The following PCDHGB7 variants were observed in gnomAD, a reference collection of about 807,000 sequenced individuals.
PCDHGB7 encodes protocadherin gamma-B7.
Under a neutral mutation model 61.4 loss-of-function variants are expected in PCDHGB7, and 37 were observed. The ratio of observed to expected loss-of-function variants is 0.60; its 90% CI spans 0.46 to 0.79. The LOEUF (loss-of-function observed/expected upper bound fraction) is 0.79. PCDHGB7 is among the 30% of genes least tolerant of loss of function. The pLI, the probability that PCDHGB7 is intolerant of heterozygous loss-of-function variation, is 0.00. For missense variants in PCDHGB7, 1,166 were observed against 1,202.5 expected (o/e 0.97, Z 0.45); for synonymous variants, 464 against 503.5 (o/e 0.92, Z 1.05).
Position 141,491,248 on chromosome 5 carries a change from G to T in PCDHGB7, c.2416-3559G>T, listed in dbSNP as rs757712577. On this transcript the variant is annotated intron_variant, in intron 1 of 3. Transcript: ENST00000398594. The surrounding 1 kb of genome is among the most constrained non-coding windows in gnomAD (Gnocchi z 6.9). ...AGTGCTGCTGGTTCTGGAGGATGAG[G>T]ACCCTGAGGAAATGCCCAAATCCAG... 3 of 1,614,170 alleles carry T rather than the reference G, an allele frequency of 1.9e-6. No individual in the cohort carries two copies. Among genetic ancestry groups the T allele is most frequent in the Non-Finnish European group, 2.5e-6 (3 of 1,180,018 alleles).
chr5:141,501,288 T>TACAC (rs1562199973), intron 2 of PCDHGB7, among the ~76,000 whole-genome samples: 2 of 81,228 alleles, frequency 2.5e-5, no homozygotes, highest in Admixed American at 1.6e-4. Flanking sequence ...GATATTCCCT[T>TACAC]ATACACACAC....
At chr5:141,428,155 G>A (rs767716956) in intron 1 of PCDHGB7, 7 of 1,581,618 alleles carry the variant, frequency 4.4e-6, no homozygotes, top group East Asian at 2.2e-5. Flanking sequence ...ACGGGAACCT[G>A]CTGGTTGCTG....
chr5:141,484,236 G>C (rs1272971014), intron 1 of PCDHGB7, among the ~76,000 whole-genome samples: 2 of 152,132 alleles, frequency 1.3e-5, no homozygotes, highest in Non-Finnish European at 2.9e-5. Context: ...AAGAGATCTG[G>C]TCCTTAGCAC....
At chr5:141,429,735 T>C (rs911956546) in intron 1 of PCDHGB7, among the ~76,000 whole-genome samples, 1 of 152,202 alleles carries the variant, frequency 6.6e-6, no homozygotes. Flanking sequence ...ACGTAGCCAG[T>C]TATTTCTTAG....
chr5:141,511,077 T>C lies in PCDHGB7; in HGVS notation c.2694T>C (p.Asn898=), dbSNP rs1279500774. ...YRQNVYIPGS[N]ATLTNAAGKR... is the part of the protein sequence containing the mutation. ...AGAATGTCTACATCCCAGGCAGCAA[T>C]GCCACACTGACCAACGCAGCTGGCA... is the stretch of plus-strand genomic sequence containing the variant. Residue 898 remains asparagine, a synonymous_variant, in exon 4 of 4, where the codon AAT becomes AAC. Transcript: ENST00000398594. 5 of 1,614,062 alleles carry C rather than the reference T, an allele frequency of 3.1e-6. No individual in the cohort carries two copies. The African/African-American group carries it at 6.7e-5, about 22-fold the overall frequency.
intron 1 of PCDHGB7, among the ~76,000 whole-genome samples, chr5:141,484,535 A>G (rs2099597486): frequency 6.6e-6 from 1 of 152,178 alleles, no homozygotes. Flanking sequence ...AGTATATGGC[A>G]GTGGTTCTAA....
At chr5:141,494,648 T>G in intron 1 of PCDHGB7, 159 bp from the exon 2 acceptor site, 1 of 946,506 alleles carries the variant, frequency 1.1e-6, no homozygotes, top group Non-Finnish European at 1.3e-6. Flanking sequence ...ACCTGAGGTG[T>G]ATTTTGTCTT....
In PCDHGB7 at chr5:141,431,814, T is replaced by C. The variant is rs1300319049; in HGVS notation, c.2415+11540T>C. 1 of 1,614,246 alleles carries C rather than the reference T, an allele frequency of 6.2e-7. No homozygotes were observed. Among genetic ancestry groups the C allele is most frequent in the Non-Finnish European group, 8.5e-7 (1 of 1,180,044 alleles). ...GCCCCAGAAGTGGTCCTCACCTCTC[T>C]CGCCAGCTCGGTTCCCGAAAACTCT... On this transcript the variant is annotated intron_variant, in intron 1 of 3. Coordinates refer to ENST00000398594, the MANE Select transcript of PCDHGB7 (RefSeq NM_018927.4). The surrounding 1 kb of genome is among the most constrained non-coding windows in gnomAD (Gnocchi z 4.8).
intron 3 of PCDHGB7, among the ~76,000 whole-genome samples, chr5:141,508,738 A>C (rs1596171196): frequency 7.1e-5 from 10 of 141,304 alleles, no homozygotes; most frequent in Admixed American, 1.4e-4. Context: ...TACACCCCCC[A>C]CCCCGCTCTT....
In PCDHGB7 at chr5:141,431,771, C is replaced by G. The variant is rs1175712662; in HGVS notation, c.2415+11497C>G. 1.2e-6 allele frequency: 2 copies of G among 1,614,214 alleles called. No homozygotes were observed. Among genetic ancestry groups the G allele is most frequent in the Non-Finnish European group, 8.5e-7 (1 of 1,180,034 alleles). The stretch of plus-strand genomic sequence containing the variant: ...GCGAGCCAAAGTCCTGATCACTGTT[C>G]TGGACGTGAACGACAATGCCCCAGA... On this transcript the variant is annotated intron_variant, in intron 1 of 3. Coordinates refer to ENST00000398594, the MANE Select transcript of PCDHGB7 (RefSeq NM_018927.4). The surrounding 1 kb of genome is among the most constrained non-coding windows in gnomAD (Gnocchi z 4.8).
At chr5:141,421,206 G>A in intron 1 of PCDHGB7, 1 of 1,531,730 alleles carries the variant, frequency 6.5e-7, no homozygotes, top group Non-Finnish European at 8.8e-7. Context: ...AGAAACCGCG[G>A]AATATCGGCT....
intron 1 of PCDHGB7, among the ~76,000 whole-genome samples, chr5:141,444,462 C>T (rs1314366280): frequency 3.3e-5 from 5 of 152,002 alleles, no homozygotes; most frequent in African/African-American, 9.7e-5. Flanking sequence ...TGAGTCACTG[C>T]GCCCGGTCGC....
At chr5:141,492,241 C>T (rs1351937353) in intron 1 of PCDHGB7, among the ~76,000 whole-genome samples, 1 of 152,186 alleles carries the variant, frequency 6.6e-6, no homozygotes, top group African/African-American at 2.4e-5. Flanking sequence ...TGCTGGCCAC[C>T]CCCACGGCCC....
chr5:141,475,862 T>G, intron 1 of PCDHGB7: 1 of 492,756 alleles, frequency 2.0e-6, no homozygotes, highest in Non-Finnish European at 3.6e-6. Context: ...GCTAGCTCAT[T>G]CTTCGTGCAG....
chr5:141,462,782 T>C (rs1397671639), intron 1 of PCDHGB7, among the ~76,000 whole-genome samples: 1 of 152,220 alleles, frequency 6.6e-6, no homozygotes, highest in Non-Finnish European at 1.5e-5. Flanking sequence ...TCATAATTTG[T>C]TGCTTATTTG....
rs1561869085 is a variant in PCDHGB7, at chr5:141,433,357, GCCTA to G, written c.2415+13084_2415+13087del. On this transcript the variant is annotated intron_variant, in intron 1 of 3. Transcript: ENST00000398594. ...TACAGGTGCAAGCCACCTACTGTCT[GCCTA>G]TCTATCTATCTATCTATCTATCTAT... is the stretch of plus-strand genomic sequence containing the variant. 3 of 568,974 alleles carry G rather than the reference GCCTA, an allele frequency of 5.3e-6. No homozygotes were observed. In the African/African-American group the frequency reaches 6.4e-5, roughly 12 times the overall value. The allele number at this position is 568,974 out of a possible 1,614,324, so 35.2% of individuals were successfully genotyped here.
At chr5:141,481,860 G>A (rs1379910129) in intron 1 of PCDHGB7, among the ~76,000 whole-genome samples, 1 of 148,492 alleles carries the variant, frequency 6.7e-6, no homozygotes, top group Non-Finnish European at 1.5e-5. Context: ...GTTGCAGTGA[G>A]CCGAGATCGC....
rs2099694919 is a variant in PCDHGB7, at chr5:141,490,016, C to T, written c.2416-4791C>T. The T allele has an allele frequency of 6.2e-7, 1 of 1,614,158 alleles. No individual in the cohort carries two copies. The highest frequency in any genetic ancestry group is 8.5e-7 in the Non-Finnish European group (1 of 1,180,060). On this transcript the variant is annotated intron_variant, in intron 1 of 3. Transcript: ENST00000398594. This position sits in a 1 kb window ranked among gnomAD's most constrained non-coding sequence, Gnocchi z 5.4. ...ATCCCAGAGAATGCACCCATTGGTACTCTGCTGCTCCGCCTCAATGCCACT... is the reference window on the plus strand; with the variant it reads ...ATCCCAGAGAATGCACCCATTGGTATTCTGCTGCTCCGCCTCAATGCCACT...
chr5:141,433,038 C>A, intron 1 of PCDHGB7: 3 of 1,614,180 alleles, frequency 1.9e-6, no homozygotes, highest in Non-Finnish European at 2.5e-6. Flanking sequence ...GTTTCCCTCA[C>A]CACGGACTCG....
Sources: allele counts gnomAD v4.1 joint callset (sites outside exome capture counted in the v4.1 genomes callset), GRCh38; gene constraint gnomAD v4.1.1; non-coding constraint Gnocchi (gnomAD v3.1); transcripts MANE v1.5; gene names NCBI Gene and HGNC (gene_info 2026-07-23, HGNC 2026-07-21).